Variants in DNAH8 observed in about 807,000 individuals in gnomAD.
The protein encoded by DNAH8 is axonemal beta dynein heavy chain 8.
In DNAH8, 382 loss-of-function variants were observed where a neutral mutation model predicts 562.1. That is an observed-to-expected ratio of 0.68 (90% CI 0.63 to 0.74). The LOEUF (loss-of-function observed/expected upper bound fraction) is 0.74. DNAH8 is among the 30% of genes least tolerant of loss of function. DNAH8 has a pLI of 0.00. For missense variants in DNAH8, 5,203 were observed against 5,620.4 expected, an observed-to-expected ratio of 0.93 and a Z score of 2.37; for synonymous variants, 1,881 against 1,919.4, an observed-to-expected ratio of 0.98 and a Z score of 0.52.
intron 63 of DNAH8, among the ~76,000 whole-genome samples, chr6:38,907,092 A>T (rs1780536171): frequency 1.3e-5 from 2 of 152,372 alleles, no homozygotes; most frequent in Admixed American, 1.3e-4. Flanking sequence ...ACTTATAGTT[A>T]TACTCATGGC....
Position 38,951,310 on chromosome 6 carries a change from A to G in DNAH8, c.12249-8A>G, listed in dbSNP as rs1761887236. ...AGTTTATTTCGCCTAACTTGTATTC[A>G]TTTTTAGGTCTTGGTGCCCAGACCG... On this transcript the variant is annotated splice_region_variant and splice_polypyrimidine_tract_variant and intron_variant, in intron 81 of 92. Transcript: ENST00000327475. The G allele has an allele frequency of 2.5e-6, 4 of 1,613,308 alleles. No individual in the cohort carries two copies. The highest frequency in any genetic ancestry group is 1.6e-4 in the Middle Eastern group (1 of 6,072).
rs2150371274 is a variant in DNAH8 at position 38,842,307 on chromosome 6, C to CAATAAGGA, written c.4467-56_4467-55insGGAAATAA. 2.2e-6 allele frequency: 3 copies of CAATAAGGA among 1,389,116 alleles called. No homozygotes were observed. The Admixed American group carries it at 6.4e-5, about 30-fold the overall frequency. 86.0% of individuals were successfully genotyped at this position (1,389,116 alleles called of 1,614,324 possible). On this transcript the variant is annotated intron_variant, in intron 33 of 92. Transcript: ENST00000327475. ...TTTGATTGGATGAACTCTGCCTTTC[C>CAATAAGGA]AATAATGGACTTTATTAAATATTAT...
intron 15 of DNAH8, 133 bp from the exon 16 acceptor site, chr6:38,781,121 T>C (rs1043021666): frequency 8.1e-6 from 7 of 863,550 alleles, no homozygotes; most frequent in Admixed American, 8.1e-5. Flanking sequence ...TGGATGTGCA[T>C]TTACATATTT....
At chr6:38,859,668 T>C (rs1183333586) in intron 42 of DNAH8, among the ~76,000 whole-genome samples, 1 of 152,226 alleles carries the variant, frequency 6.6e-6, no homozygotes, top group Non-Finnish European at 1.5e-5. Context: ...AATTCCTAAG[T>C]TTGCTTACCT....
Position 38,737,960 on chromosome 6 carries a change from A to T in DNAH8, c.1104A>T (p.Lys368Asn). The part of the protein sequence containing the change: ...QLEEVLMVWY[K>N]QIEQVLIESE... ...AGGAAGTGCTGATGGTATGGTACAAACAGATCGAACAGGTGAATTGACTCA... is the reference window on the plus strand; with the variant it reads ...AGGAAGTGCTGATGGTATGGTACAATCAGATCGAACAGGTGAATTGACTCA... The change falls in exon 7 of 93, where the codon AAA becomes AAT. Residue 368 changes from lysine (K) to asparagine (N), a missense_variant. Physicochemically the swap from Lys to Asn is moderately conservative, Grantham distance 94 (BLOSUM62 0). Transcript: ENST00000327475. 1 of 1,611,014 alleles carries T rather than the reference A, an allele frequency of 6.2e-7. No individual in the cohort carries two copies. Among genetic ancestry groups the T allele is most frequent in the Non-Finnish European group, 8.5e-7 (1 of 1,178,574 alleles).
chr6:38,885,984 G>C (rs1778889209), intron 56 of DNAH8, among the ~76,000 whole-genome samples: 1 of 152,210 alleles, frequency 6.6e-6, no homozygotes, highest in Non-Finnish European at 1.5e-5. Context: ...TGAAATGTTG[G>C]TTAATTGAAA....
rs531996872 is a variant in DNAH8 at position 38,883,531 on chromosome 6, C to T, written c.8136+75C>T. ...TAGTGGTTACAATAAAATGTGTACG[C>T]ATATAAAATGTGAAAATATTATATA... On this transcript the variant is annotated intron_variant, in intron 55 of 92. Coordinates refer to ENST00000327475, the MANE Select transcript of DNAH8 (RefSeq NM_001206927.2). 7.2e-6 allele frequency: 10 copies of T among 1,384,076 alleles called. 1 individual carries two copies. The Admixed American group carries it at 9.2e-5, about 13-fold the overall frequency. The allele number at this position is 1,384,076 out of a possible 1,614,324, so 85.7% of individuals were successfully genotyped here.
chr6:39,008,975 G>A lies in DNAH8; in HGVS notation c.13371+5G>A. 4 of 1,598,956 alleles carry A rather than the reference G, an allele frequency of 2.5e-6. No homozygotes were observed. The highest frequency in any genetic ancestry group is 3.4e-6 in the Non-Finnish European group (4 of 1,169,594). On this transcript the variant is annotated splice_donor_5th_base_variant and intron_variant, in intron 89 of 92. Transcript: ENST00000327475. Reference sequence around the variant, plus strand: ...CCTGATTACATTCCTCATGAGGTAAGTCTTGCTGGTTTCCCACTGGCATAC... The same window carrying A: ...CCTGATTACATTCCTCATGAGGTAAATCTTGCTGGTTTCCCACTGGCATAC...
intron 82 of DNAH8, among the ~76,000 whole-genome samples, chr6:38,966,434 C>A (rs1762974653): frequency 1.3e-5 from 2 of 152,142 alleles, no homozygotes; most frequent in Non-Finnish European, 2.9e-5. Flanking sequence ...TAGTTTTTCT[C>A]AGCTTTTCTA....
chr6:38,767,230 A>C (rs926705225), intron 11 of DNAH8, among the ~76,000 whole-genome samples: 1 of 152,188 alleles, frequency 6.6e-6, no homozygotes. Flanking sequence ...TGAGGTTAGG[A>C]GTTCAAGACC....
intron 7 of DNAH8, among the ~76,000 whole-genome samples, chr6:38,740,479 T>C (rs1764435915): frequency 1.3e-5 from 2 of 152,258 alleles, no homozygotes; most frequent in Admixed American, 6.5e-5. Flanking sequence ...AATTGTATCT[T>C]TTTGGAAATT....
In DNAH8 at chr6:38,907,931, A is replaced by G. The variant is rs573533340; in HGVS notation, c.9349-25A>G. The G allele has an allele frequency of 7.8e-6, 12 of 1,542,820 alleles. No homozygotes were observed. In the South Asian group the frequency reaches 1.5e-4, roughly 20 times the overall value. ...CTGTGGAGAACTCTTAAAACACAGA[A>G]CACTTCCTTGTCCATTCCTTAAAGA... On this transcript the variant is annotated intron_variant, in intron 63 of 92. Coordinates refer to ENST00000327475, the MANE Select transcript of DNAH8 (RefSeq NM_001206927.2).
At chr6:38,848,506 G>A (rs958686039) in intron 36 of DNAH8, 142 bp from the exon 37 acceptor site, 12 of 625,834 alleles carry the variant, frequency 1.9e-5, no homozygotes, top group Admixed American at 1.2e-4. Flanking sequence ...TTTATTAGCT[G>A]TATGATATCT....
chr6:38,786,992 T>A, intron 18 of DNAH8, 40 bp downstream of exon 18: 2 of 1,426,890 alleles, frequency 1.4e-6, no homozygotes, highest in Non-Finnish European at 9.4e-7. Flanking sequence ...TTGAAGGAGT[T>A]TTTTGGTAAA....
chr6:38,755,969 T>C lies in DNAH8; in HGVS notation c.1408-3T>C. On this transcript the variant is annotated splice_region_variant and splice_polypyrimidine_tract_variant and intron_variant, in intron 9 of 92. Transcript: ENST00000327475. ...GAATTCACTTAATTTGTTTCAATGT[T>C]AGGTTTCCATGGCACATGGAATACA... The C allele has an allele frequency of 6.4e-7, 1 of 1,551,350 alleles. No individual in the cohort carries two copies. Among genetic ancestry groups the C allele is most frequent in the Non-Finnish European group, 8.9e-7 (1 of 1,123,904 alleles).
At position 38,722,959 on chromosome 6, in the gene DNAH8, C is replaced by T. The variant is rs767762211; in HGVS notation, c.150C>T (p.Ser50=). 5.6e-6 allele frequency: 9 copies of T among 1,612,532 alleles called. No homozygotes were observed. The highest frequency in any genetic ancestry group is 6.8e-6 in the Non-Finnish European group (8 of 1,179,746). The change falls in exon 2 of 93, where the codon TCC becomes TCT. Residue 50 remains serine, a synonymous_variant. Coordinates refer to ENST00000327475, the MANE Select transcript of DNAH8 (RefSeq NM_001206927.2). ...EAPAEDGFSP[S]AEDAVSSVVD... is the part of the protein sequence containing the mutation. Reference sequence around the variant, plus strand: ...CGGCAGAAGATGGTTTCTCTCCTTCCGCAGAAGATGCTGTTTCTTCTGTGG... The same window carrying T: ...CGGCAGAAGATGGTTTCTCTCCTTCTGCAGAAGATGCTGTTTCTTCTGTGG...
At chr6:38,995,584 T>G (rs1234028762) in intron 88 of DNAH8, among the ~76,000 whole-genome samples, 1 of 152,244 alleles carries the variant, frequency 6.6e-6, no homozygotes, top group Non-Finnish European at 1.5e-5. Flanking sequence ...TTGTCAGTTG[T>G]GTTCTCCTAG....
rs996286483 is a variant in DNAH8 at position 38,910,684 on chromosome 6, T to G, written c.9741-784T>G. Reference sequence around the variant, plus strand: ...GAAAATTTGGGTATATTTTTCAAAATTTTTTATATGTTCTTAGGTTGTTGA... The same window carrying G: ...GAAAATTTGGGTATATTTTTCAAAAGTTTTTATATGTTCTTAGGTTGTTGA... On this transcript the variant is annotated intron_variant, in intron 65 of 92. Transcript: ENST00000327475. Among the ~76,000 whole-genome samples the G allele has an allele frequency of 2.6e-5, 4 of 152,170 alleles. No homozygotes were observed. The South Asian group carries it at 8.3e-4, about 32-fold the overall frequency.
chr6:38,769,373 T>C (rs1767337963), intron 11 of DNAH8, among the ~76,000 whole-genome samples: 1 of 152,090 alleles, frequency 6.6e-6, no homozygotes, highest in South Asian at 2.1e-4. Flanking sequence ...TCCCCTAGCC[T>C]CCCAAGCCAG....
Sources: allele counts gnomAD v4.1 joint callset (sites outside exome capture counted in the v4.1 genomes callset), GRCh38; gene constraint gnomAD v4.1.1; transcripts MANE v1.5; gene names NCBI Gene and HGNC (gene_info 2026-07-23, HGNC 2026-07-21).